Variants in SFPQ observed in about 807,000 individuals in gnomAD.
SFPQ encodes splicing factor proline and glutamine rich.
A neutral mutation model predicts 72.9 loss-of-function variants in SFPQ; 11 were observed. The observed-to-expected ratio is 0.15, with a 90% CI of 0.09 to 0.25. The LOEUF (loss-of-function observed/expected upper bound fraction) is 0.25, where lower values mean the gene tolerates loss of function less well. Among genes scored for constraint, SFPQ ranks in the 10% least tolerant of loss-of-function variants. The probability of loss-of-function intolerance (pLI) is 1.00; values close to 1 mark genes in which losing one functional copy is unlikely to be tolerated. For missense variants in SFPQ, 847 were observed against 993.3 expected, an observed-to-expected ratio of 0.85 and a Z score of 1.98; for synonymous variants, 506 against 367.3, an observed-to-expected ratio of 1.38 and a Z score of -4.32.
rs557298022 is a variant in SFPQ at position 35,192,945 on chromosome 1, C to G, written c.105G>C (p.Pro35=). 1.9e-6 allele frequency: 3 copies of G among 1,570,410 alleles called. No homozygotes were observed. The highest frequency in any genetic ancestry group is 2.6e-6 in the Non-Finnish European group (3 of 1,164,844). Residue 35 remains proline (P), a synonymous_variant, in exon 1 of 10, where the codon CCG becomes CCC. Coordinates refer to ENST00000357214, the MANE Select transcript of SFPQ (RefSeq NM_005066.3). The stretch of plus-strand genomic sequence containing the variant: ...GATTCTGATTGAGGCCCATGCCGGG[C>G]GGCGGAGAACGGAAGTCGTGGAGGC... The part of the protein sequence containing the change: ...RGGLHDFRSP[P]PGMGLNQNRG...
chr1:35,188,254 G>A (rs1639821773), intron 6 of SFPQ, among the ~76,000 whole-genome samples, 164 bp from the exon 7 acceptor site: 1 of 152,218 alleles, frequency 6.6e-6, no homozygotes, highest in South Asian at 2.1e-4. Flanking sequence ...GGCAAATAAT[G>A]TAGGCTTTAT....
At chr1:35,178,078 A>G (rs758507892), downstream of SFPQ, 120 of 1,255,002 alleles carry the variant, frequency 9.6e-5, 1 homozygote, top group Non-Finnish European at 1.1e-4. Flanking sequence ...AGACAAGGGT[A>G]TAAAATAAAG....
At position 35,184,541 on chromosome 1, in the gene SFPQ, G is replaced by A; in HGVS notation, c.2039C>T (p.Pro680Leu). The A allele has an allele frequency of 1.9e-6, 3 of 1,612,808 alleles. No individual in the cohort carries two copies. The highest frequency in any genetic ancestry group is 2.5e-6 in the Non-Finnish European group (3 of 1,179,504). Residue 680 changes from proline (P) to leucine (L), a missense_variant, in exon 10 of 10, where the codon CCT becomes CTT. Physicochemically the swap from Pro to Leu is moderately conservative, Grantham distance 98. Around this residue, in one of 6 missense-constraint regions of SFPQ, gnomAD observed 154 missense variants for 186.0 expected, o/e 0.83. Transcript: ENST00000357214. ...TGGAGTTCCAGGCCCCATTCCTCTA[G>A]GACCCTGTCCACCCACAGGCCCCGC... ...GGAGPVGGQG[P>L]RGMGPGTPAG...
At position 35,184,588 on chromosome 1, in the gene SFPQ, A is replaced by C; in HGVS notation, c.1992T>G (p.Thr664=). Residue 664 remains threonine (T), a synonymous_variant, in exon 10 of 10, where the codon ACT becomes ACG. Transcript: ENST00000357214. Reference sequence around the variant, plus strand: ...CCGCACCTCCCTGCCCAAAGCGCTCAGTACGCTATTGGAACAGTAATTAAC... The same window carrying C: ...CCGCACCTCCCTGCCCAAAGCGCTCCGTACGCTATTGGAACAGTAATTAAC... The part of the protein sequence containing the change: ...SGSMMGSDMR[T]ERFGQGGAGP... 6.3e-7 allele frequency: 1 copy of C among 1,590,548 alleles called. No homozygotes were observed. Among genetic ancestry groups the C allele is most frequent in the Non-Finnish European group, 8.5e-7 (1 of 1,173,322 alleles).
chr1:35,184,481 C>A lies in SFPQ; in HGVS notation c.2099G>T (p.Gly700Val), dbSNP rs1354804038. The change falls in exon 10 of 10, where the codon GGC (glycine) becomes GTC (valine). Residue 700 changes from glycine to valine, a missense_variant. Coordinates refer to ENST00000357214, the MANE Select transcript of SFPQ (RefSeq NM_005066.3). ...GYGRGREEYE[G>V]PNKKPRF is the part of the protein sequence containing the mutation. The stretch of plus-strand genomic sequence containing the variant: ...CTAAAATCGGGGTTTTTTGTTTGGG[C>A]CTTCGTACTCTTCTCTCCCTCTACC... 1 of 1,611,272 alleles carries A rather than the reference C, an allele frequency of 6.2e-7. No individual in the cohort carries two copies.
In SFPQ at chr1:35,192,987, T is replaced by G. The variant is rs539662151; in HGVS notation, c.63A>C (p.Gly21=). 4.4e-4 allele frequency: 674 copies of G among 1,527,008 alleles called. No homozygotes were observed. The highest frequency in any genetic ancestry group is 5.2e-4 in the Non-Finnish European group (597 of 1,141,822). The allele number at this position is 1,527,008 out of a possible 1,614,324, so 94.6% of individuals were successfully genotyped here. Residue 21 remains glycine (G), a synonymous_variant, in exon 1 of 10, where the codon GGA becomes GGC. Coordinates refer to ENST00000357214, the MANE Select transcript of SFPQ (RefSeq NM_005066.3). ...CGTGGAGGCCGCCGCGGCCGCCGCC[T>G]CCTCCACGCCTGTGGAAGCCACCAC... The part of the protein sequence containing the change: ...GGGGGFHRRG[G]GGGRGGLHDF...
intron 4 of SFPQ, among the ~76,000 whole-genome samples, chr1:35,189,999 T>C (rs1639916013): frequency 6.6e-6 from 1 of 151,798 alleles, no homozygotes; most frequent in African/African-American, 2.4e-5. Context: ...CGGTGCATCA[T>C]GCCTGTATCC....
At position 35,192,287 on chromosome 1, in the gene SFPQ, G is replaced by A; in HGVS notation, c.763C>T (p.His255Tyr). ...CCGCCGGGCGGGGGCCCCTGGTGAT[G>A]CTGCTGGTGGTAGGGCGGGTGGTGC... ...RQHHPPYHQQ[H>Y]HQGPPPGGPG... Residue 255 changes from histidine to tyrosine, a missense_variant, in exon 1 of 10, where the codon CAT (histidine) becomes TAT (tyrosine). Around this residue, in one of 6 missense-constraint regions of SFPQ, gnomAD observed 498 missense variants for 405.1 expected, o/e 1.23. Transcript: ENST00000357214. 6.8e-7 allele frequency: 1 copy of A among 1,462,012 alleles called. No individual in the cohort carries two copies. Among genetic ancestry groups the A allele is most frequent in the Non-Finnish European group, 9.0e-7 (1 of 1,115,152 alleles). The allele number at this position is 1,462,012 out of a possible 1,614,324, so 90.6% of individuals were successfully genotyped here. A position where few individuals can be genotyped will look rare whatever the true frequency, so the allele number is the denominator to read the frequency against.
At chr1:35,191,140 G>A (rs1570138347) in intron 2 of SFPQ, 145 bp from the exon 3 acceptor site, 1 of 832,808 alleles carries the variant, frequency 1.2e-6, no homozygotes, top group Non-Finnish European at 1.9e-6. Flanking sequence ...ACACCACTTA[G>A]TTTACCCACC....
At chr1:35,191,856 T>G (rs1332821626) in intron 1 of SFPQ, among the ~76,000 whole-genome samples, 1 of 152,224 alleles carries the variant, frequency 6.6e-6, no homozygotes, top group Non-Finnish European at 1.5e-5. Flanking sequence ...CAAATGCCAC[T>G]GTAACCTACA....
downstream of SFPQ, chr1:35,180,850 T>C (rs1249479446): frequency 5.1e-6 from 5 of 985,280 alleles, no homozygotes; most frequent in East Asian, 1.1e-4. Context: ...ATGTGTTCCA[T>C]GTTATCTTCA....
chr1:35,178,305 A>G, downstream of SFPQ: 1 of 1,090,816 alleles, frequency 9.2e-7, no homozygotes, highest in Non-Finnish European at 1.1e-6. Flanking sequence ...CAGTCTGAGC[A>G]CAAGTTTGAC....
At chr1:35,179,141 A>G (rs1179333822), downstream of SFPQ, 1 of 1,059,908 alleles carries the variant, frequency 9.4e-7, no homozygotes, top group East Asian at 5.1e-5. Flanking sequence ...AAAGGCCCAG[A>G]CCAACATCCT....
chr1:35,192,723 G>A lies in SFPQ; in HGVS notation c.327C>T (p.Pro109=), dbSNP rs775403065. The A allele has an allele frequency of 7.4e-6, 11 of 1,476,848 alleles. No individual in the cohort carries two copies. The Admixed American group carries it at 2.3e-4, about 32-fold the overall frequency. The allele number at this position is 1,476,848 out of a possible 1,614,324, so 91.5% of individuals were successfully genotyped here. The change falls in exon 1 of 10, where the codon CCC becomes CCT. Residue 109 remains proline, a synonymous_variant. Transcript: ENST00000357214. Reference sequence around the variant, plus strand: ...CGGGGCCGGGTCCCTGAGCAACGACGGGCTTGGAAGAGTCCTGCGGCGGTG... The same window carrying A: ...CGGGGCCGGGTCCCTGAGCAACGACAGGCTTGGAAGAGTCCTGCGGCGGTG... The part of the protein sequence containing the change: ...PPPPPQDSSK[P]VVAQGPGPAP...
In SFPQ at chr1:35,183,938, T is replaced by C. The variant is rs1435627039; in HGVS notation, c.*518A>G. ...CAAACAAATCATCAAACTACTTCAA[T>C]ATGCATTTCTTCTTTTTAAAACAAA... On this transcript the variant is annotated 3_prime_UTR_variant, in exon 10 of 10. Transcript: ENST00000357214. The C allele has an allele frequency of 1.9e-6, 2 of 1,050,540 alleles. No individual in the cohort carries two copies. Among genetic ancestry groups the C allele is most frequent in the Admixed American group, 5.5e-5 (1 of 18,172 alleles). 65.1% of individuals were successfully genotyped at this position (1,050,540 alleles called of 1,614,324 possible).
At chr1:35,181,419 A>G, downstream of SFPQ, 1 of 1,064,138 alleles carries the variant, frequency 9.4e-7, no homozygotes, top group Non-Finnish European at 1.1e-6. Flanking sequence ...GCGTAACATT[A>G]CAATTTCCCC....
intron 9 of SFPQ, among the ~76,000 whole-genome samples, chr1:35,185,649 G>C (rs1284756317): frequency 6.6e-6 from 1 of 152,076 alleles, no homozygotes; most frequent in Non-Finnish European, 1.5e-5. Flanking sequence ...AACTAAAAGG[G>C]CATCAGGGTT....
At chr1:35,180,977 C>T, downstream of SFPQ, 3 of 985,466 alleles carry the variant, frequency 3.0e-6, no homozygotes, top group Non-Finnish European at 3.6e-6. Context: ...AATTACAGCT[C>T]TAACCCCACA....
Position 35,191,509 on chromosome 1 carries a change from A to G in SFPQ, c.849T>C (p.Ser283=). 2 of 1,612,398 alleles carry G rather than the reference A, an allele frequency of 1.2e-6. No homozygotes were observed. The highest frequency in any genetic ancestry group is 1.7e-6 in the Non-Finnish European group (2 of 1,179,578). Residue 283 remains serine (S), a synonymous_variant, in exon 2 of 10, where the codon TCT becomes TCC. Transcript: ENST00000357214. ...TTTTCTCTCCAGGCCTCCTCAAGAG[A>G]GACAAATTGGCTTTAAACCCCTAAT... The part of the protein sequence containing the change: ...SDSEGFKANL[S]LLRRPGEKTY...
Sources: allele counts gnomAD v4.1 joint callset (sites outside exome capture counted in the v4.1 genomes callset), GRCh38; gene constraint gnomAD v4.1.1; regional missense constraint gnomAD v4.1.1; transcripts MANE v1.5; gene names NCBI Gene and HGNC (gene_info 2026-07-23, HGNC 2026-07-21).